The following ANO10 variants were observed in gnomAD, a reference collection of about 807,000 sequenced individuals.
The protein encoded by ANO10 is anoctamin-10.
ANO10 carries 77 observed loss-of-function variants against 74.7 expected under a neutral mutation model. The ratio of observed to expected loss-of-function variants is 1.03; its 90% confidence interval spans 0.86 to 1.25. The LOEUF (loss-of-function observed/expected upper bound fraction) is 1.25. Among genes scored for constraint, ANO10 ranks in the 50% most tolerant of loss-of-function variants. ANO10 has a pLI of 0.00. For synonymous variants in ANO10, 279 were observed against 284.9 expected (o/e 0.98, Z 0.21); for missense variants, 721 against 778.1 (o/e 0.93, Z 0.87).
chr3:43,421,305 G>A (rs1473968155), intron 12 of ANO10, among the ~76,000 whole-genome samples: 1 of 152,120 alleles, frequency 6.6e-6, no homozygotes. Flanking sequence ...TGAATTGCTT[G>A]AGCTCAGAAG....
intron 11 of ANO10, among the ~76,000 whole-genome samples, chr3:43,504,305 T>TAGAC (rs1553692138): frequency 6.8e-5 from 8 of 117,952 alleles, no homozygotes; most frequent in African/African-American, 2.9e-4. Flanking sequence ...GGTAGGTAGA[T>TAGAC]AGATAGATAG....
intron 11 of ANO10, among the ~76,000 whole-genome samples, chr3:43,526,576 G>A (rs909413345): frequency 1.3e-4 from 20 of 152,278 alleles, no homozygotes; most frequent in Middle Eastern, 3.4e-3. Flanking sequence ...AAAACTAAAT[G>A]GCAATTGATG....
intron 1 of ANO10, among the ~76,000 whole-genome samples, chr3:43,607,611 C>T (rs1160554887): frequency 6.6e-6 from 1 of 151,996 alleles, no homozygotes; most frequent in Non-Finnish European, 1.5e-5. Flanking sequence ...ATTAGATCAC[C>T]CCGATAGGAA....
intron 11 of ANO10, among the ~76,000 whole-genome samples, chr3:43,444,011 G>A (rs1192307398): frequency 6.6e-6 from 1 of 152,068 alleles, no homozygotes; most frequent in African/African-American, 2.4e-5. Context: ...TAATAGAAAA[G>A]GTGATTGGGG....
chr3:43,596,669 A>C (rs2082101941), intron 4 of ANO10, among the ~76,000 whole-genome samples: 1 of 152,194 alleles, frequency 6.6e-6, no homozygotes, highest in Non-Finnish European at 1.5e-5. Flanking sequence ...CCTAGAAGAA[A>C]ACCTAGGCAA....
chr3:43,676,805 G>C (rs1456966362), intron 1 of ANO10, among the ~76,000 whole-genome samples: 1 of 151,774 alleles, frequency 6.6e-6, no homozygotes, highest in Non-Finnish European at 1.5e-5. Context: ...AAAAGACTTT[G>C]TGAAAAAAAT....
chr3:43,680,931 C>T (rs1268174617), intron 1 of ANO10, among the ~76,000 whole-genome samples: 3 of 152,218 alleles, frequency 2.0e-5, no homozygotes, highest in African/African-American at 4.8e-5. Flanking sequence ...GAAGGAAGCA[C>T]TAAACATGGA....
chr3:43,681,123 C>T (rs1024530298), intron 1 of ANO10, among the ~76,000 whole-genome samples: 115 of 152,198 alleles, frequency 7.6e-4, no homozygotes, highest in Non-Finnish European at 1.4e-3. Context: ...AATTAAAAGA[C>T]ACAGACTGGC....
chr3:43,443,822 A>G (rs533086269), intron 11 of ANO10, among the ~76,000 whole-genome samples: 1 of 151,628 alleles, frequency 6.6e-6, no homozygotes, highest in East Asian at 1.9e-4. Flanking sequence ...CTGGGATTAC[A>G]GGCATGCACC....
chr3:43,616,204 A>G (rs2083096359), intron 1 of ANO10, among the ~76,000 whole-genome samples: 1 of 152,174 alleles, frequency 6.6e-6, no homozygotes, highest in Non-Finnish European at 1.5e-5. Flanking sequence ...GAGGGGAAGG[A>G]ATCTTAGAGA....
intron 12 of ANO10, among the ~76,000 whole-genome samples, chr3:43,405,798 AT>A (rs1336073343): frequency 5.3e-5 from 8 of 152,154 alleles, no homozygotes; most frequent in African/African-American, 1.9e-4. Flanking sequence ...AATAGCTAAA[AT>A]TTCAACCTAA....
At position 43,690,845 on chromosome 3, in the gene ANO10, C is replaced by G. The variant is rs1056747149; in HGVS notation, c.-12+672G>C. 1.3e-5 allele frequency: 10 copies of G among 783,970 alleles called. No individual in the cohort carries two copies. The Admixed American group carries it at 1.3e-4, about 10-fold the overall frequency. 48.6% of individuals were successfully genotyped at this position (783,970 alleles called of 1,614,324 possible). Reference sequence around the variant, plus strand: ...GGAGGCAAGGCCGCGCACGCGCAAACGCGGGCGCGCCGCCGGGCCGTGCTA... The same window carrying G: ...GGAGGCAAGGCCGCGCACGCGCAAAGGCGGGCGCGCCGCCGGGCCGTGCTA... On this transcript the variant is annotated intron_variant, in intron 1 of 3. Coordinates refer to the ANO10 transcript ENST00000413397.
chr3:43,576,890 C>A lies in ANO10; in HGVS notation c.964G>T (p.Val322Leu). Residue 322 changes from valine (V) to leucine (L), a missense_variant, in exon 6 of 13, where the codon GTG (valine) becomes TTG (leucine). Val to Leu is a conservative substitution (Grantham distance 32). Coordinates refer to ENST00000292246, the MANE Select transcript of ANO10 (RefSeq NM_018075.5). Reference protein sequence around the residue: ...LRIYLVSLPFVCLCLYFSLYV... With the variant: ...LRIYLVSLPFLCLCLYFSLYV... ...AGTGAGAAATAGAGGCAGAGGCACA[C>A]GAATGGCAGGGAGACCAGGTAAATG... is the stretch of plus-strand genomic sequence containing the variant. The A allele has an allele frequency of 6.2e-7, 1 of 1,614,138 alleles. No homozygotes were observed. Among genetic ancestry groups the A allele is most frequent in the Non-Finnish European group, 8.5e-7 (1 of 1,180,022 alleles).
At chr3:43,485,034 G>A (rs1471070387) in intron 11 of ANO10, 32 of 1,436,146 alleles carry the variant, frequency 2.2e-5, no homozygotes, top group Middle Eastern at 2.4e-4. Context: ...CTCAGGACCC[G>A]GTGGGGCAGC....
chr3:43,673,521 G>C (rs769157758), intron 1 of ANO10, among the ~76,000 whole-genome samples: 3 of 152,026 alleles, frequency 2.0e-5, no homozygotes, highest in Non-Finnish European at 4.4e-5. Context: ...ATACAGAAAG[G>C]CAACTGACAT....
Position 43,580,351 on chromosome 3 carries a change from A to T in ANO10, c.592+2T>A, listed in dbSNP as rs1575475439. On this transcript the variant is annotated splice_donor_variant, in intron 5 of 12. Transcript: ENST00000292246. LOFTEE classifies it high-confidence loss of function. ...TTTAAGAGAACAAGTACTGACACAT[A>T]CCTATGGGCTGATACTTCAAAGCAA... 6.2e-7 allele frequency: 1 copy of T among 1,613,758 alleles called. No individual in the cohort carries two copies. The highest frequency in any genetic ancestry group is 1.7e-4 in the Middle Eastern group (1 of 6,060).
intron 1 of ANO10, among the ~76,000 whole-genome samples, chr3:43,614,350 C>T (rs1380785464): frequency 1.2e-4 from 18 of 152,096 alleles, no homozygotes; most frequent in Non-Finnish European, 2.6e-4. Flanking sequence ...TTTCATTATG[C>T]AAGGCACAAC....
At chr3:43,400,383 A>C (rs926183216) in intron 12 of ANO10, among the ~76,000 whole-genome samples, 1 of 152,060 alleles carries the variant, frequency 6.6e-6, no homozygotes, top group Admixed American at 6.6e-5. Context: ...GATGAAAGCC[A>C]GCTGGCTACA....
Position 43,549,746 on chromosome 3 carries a change from G to C in ANO10, c.1771C>G (p.Leu591Val), listed in dbSNP as rs1236502639. ...NAVFPESKAD[L>V]ILIVVAVEHA... Reference sequence around the variant, plus strand: ...TCCACTGCTACTACAATCAAAATGAGGTCTGCTTTTGATTCTGGAAAGACT... The same window carrying C: ...TCCACTGCTACTACAATCAAAATGACGTCTGCTTTTGATTCTGGAAAGACT... Residue 591 changes from leucine to valine, a missense_variant, in exon 11 of 13, where the codon CTC becomes GTC. Physicochemically the swap from Leu to Val is conservative, Grantham distance 32 (BLOSUM62 1). Coordinates refer to ENST00000292246, the MANE Select transcript of ANO10 (RefSeq NM_018075.5). The C allele has an allele frequency of 6.2e-7, 1 of 1,613,918 alleles. No homozygotes were observed. Among genetic ancestry groups the C allele is most frequent in the African/African-American group, 1.3e-5 (1 of 74,984 alleles).
Sources: allele counts gnomAD v4.1 joint callset (sites outside exome capture counted in the v4.1 genomes callset), GRCh38; gene constraint gnomAD v4.1.1; transcripts MANE v1.5; gene names NCBI Gene and HGNC (gene_info 2026-07-23, HGNC 2026-07-21).